The following BCL11A variants were observed in gnomAD, a reference collection of about 807,000 sequenced individuals.
BCL11A encodes the protein B cell CLL/lymphoma 11A.
BCL11A carries 2 observed loss-of-function variants against 55.9 expected under a neutral mutation model. That is an observed-to-expected ratio of 0.04 (90% CI 0.01 to 0.11). The LOEUF (loss-of-function observed/expected upper bound fraction) is 0.11, where lower values mean the gene tolerates loss of function less well. Among genes scored for constraint, BCL11A ranks in the 10% least tolerant of loss-of-function variants. The pLI is 1.00. For missense variants in BCL11A, 817 were observed against 1,137.1 expected (o/e 0.72, Z 4.05); for synonymous variants, 465 against 473.4 (o/e 0.98, Z 0.23).
At chr2:60,519,229 C>T (rs752822951) in intron 2 of BCL11A, among the ~76,000 whole-genome samples, 3 of 152,180 alleles carry the variant, frequency 2.0e-5, no homozygotes, top group Admixed American at 6.5e-5. Context: ...ACTATGCATG[C>T]TCTGTCTATG....
At chr2:60,526,917 G>C (rs1669228756) in intron 2 of BCL11A, 2 of 152,224 alleles carry the variant, frequency 1.3e-5, no homozygotes, top group Admixed American at 6.5e-5. Flanking sequence ...ATTATCACTA[G>C]TCAACAGCAT....
intron 2 of BCL11A, among the ~76,000 whole-genome samples, chr2:60,493,815 C>T (rs1256876074): frequency 6.6e-6 from 1 of 152,170 alleles, no homozygotes; most frequent in African/African-American, 2.4e-5. Flanking sequence ...AGCAAAGCTT[C>T]AGTGCAGGAA....
intron 2 of BCL11A, chr2:60,544,140 T>C (rs1670048837): frequency 6.6e-6 from 1 of 152,220 alleles, no homozygotes; most frequent in Admixed American, 6.5e-5. Context: ...GGGACCTCAG[T>C]AAGAAGTGTG....
chr2:60,522,846 T>G (rs1046254749), intron 2 of BCL11A: 5 of 152,246 alleles, frequency 3.3e-5, no homozygotes, highest in African/African-American at 1.2e-4. Context: ...ACTAGATATG[T>G]CAGTTATGTT....
chr2:60,550,921 C>A, intron 1 of BCL11A: 1 of 272,830 alleles, frequency 3.7e-6, no homozygotes, highest in Non-Finnish European at 6.8e-6. Flanking sequence ...CCGCATCCGG[C>A]GCGGCCGGGG....
chr2:60,483,057 G>A (rs1300487760), intron 2 of BCL11A, among the ~76,000 whole-genome samples: 1 of 152,194 alleles, frequency 6.6e-6, no homozygotes, highest in Non-Finnish European at 1.5e-5. Flanking sequence ...TTCAGCCCAT[G>A]ATTACTTTGC....
chr2:60,550,089 G>A (rs909512853), intron 1 of BCL11A, among the ~76,000 whole-genome samples: 4 of 152,070 alleles, frequency 2.6e-5, no homozygotes, highest in African/African-American at 7.2e-5. Flanking sequence ...TGGGGGTGAG[G>A]GGGTGGAAGA....
chr2:60,492,846 A>T (rs763864897), intron 2 of BCL11A, among the ~76,000 whole-genome samples: 2 of 152,202 alleles, frequency 1.3e-5, no homozygotes, highest in Non-Finnish European at 2.9e-5. Flanking sequence ...TTTACATACA[A>T]CAAAAGTCAT....
At chr2:60,540,000 ATAG>A (rs1273008921) in intron 2 of BCL11A, among the ~76,000 whole-genome samples, 1 of 152,264 alleles carries the variant, frequency 6.6e-6, no homozygotes, top group Non-Finnish European at 1.5e-5. Flanking sequence ...ACAAATAAAA[ATAG>A]TAGTCATTAT....
intron 2 of BCL11A, among the ~76,000 whole-genome samples, chr2:60,481,521 A>G (rs1235929985): frequency 1.3e-5 from 2 of 152,080 alleles, no homozygotes; most frequent in Admixed American, 1.3e-4. Context: ...CCCAGCCCAC[A>G]AGCTGGCAGG....
At chr2:60,462,447 C>T (rs1676372371) in intron 3 of BCL11A, 23 bp from the exon 4 acceptor site, 6 of 1,570,516 alleles carry the variant, frequency 3.8e-6, no homozygotes, top group East Asian at 2.3e-5. Context: ...ACAACACCAA[C>T]ATCAATGTTT....
chr2:60,473,243 T>G (rs1406905400), intron 2 of BCL11A, among the ~76,000 whole-genome samples: 1 of 149,470 alleles, frequency 6.7e-6, no homozygotes, highest in Non-Finnish European at 1.5e-5. Flanking sequence ...TTTCCCTGTT[T>G]TTTTTTTTTT....
intron 2 of BCL11A, among the ~76,000 whole-genome samples, chr2:60,530,256 T>C (rs1669386910): frequency 6.6e-6 from 1 of 150,932 alleles, no homozygotes; most frequent in South Asian, 2.1e-4. Flanking sequence ...TCCTTGAGCC[T>C]TCCTTGCATA....
intron 2 of BCL11A, chr2:60,542,148 G>T: frequency 2.7e-6 from 1 of 367,688 alleles, no homozygotes. Flanking sequence ...AAATGTCTAT[G>T]TTCATGATTT....
downstream of BCL11A, among the ~76,000 whole-genome samples, chr2:60,454,070 C>T (rs974217854): frequency 6.6e-6 from 1 of 151,982 alleles, no homozygotes; most frequent in African/African-American, 2.4e-5. Flanking sequence ...GAGAAACAGC[C>T]CCATTCCCCT....
At position 60,546,264 on chromosome 2, in the gene BCL11A, G is replaced by T. The variant is rs773672849; in HGVS notation, c.92C>A (p.Pro31Gln). Residue 31 changes from proline to glutamine, a missense_variant, in exon 2 of 4, where the codon CCA (proline) becomes CAA (glutamine). Transcript: ENST00000642384. The surrounding 1 kb of genome is among the most constrained non-coding windows in gnomAD (Gnocchi z 4.1). Reference sequence around the variant, plus strand: ...TGGAGCTCCCAACGGGCCGTGGTCTGGTTCATCATCTGTAAGAATGGCTTC... The same window carrying T: ...TGGAGCTCCCAACGGGCCGTGGTCTTGTTCATCATCTGTAAGAATGGCTTC... ...PLEAILTDDE[P>Q]DHGPLGAPEG... 25 of 1,614,044 alleles carry T rather than the reference G, an allele frequency of 1.5e-5. No homozygotes were observed. The highest frequency in any genetic ancestry group is 1.9e-5 in the Non-Finnish European group (23 of 1,180,014).
rs1053766495 is a variant in BCL11A at position 60,546,738 on chromosome 2, T to C, written c.56-438A>G. ...AACCAAATTTGTTTCTTTTTTCCTA[T>C]ACACCAAGTTGTCCATTGTGCCAAA... On this transcript the variant is annotated intron_variant, in intron 1 of 3. Coordinates refer to ENST00000642384, the MANE Select transcript of BCL11A (RefSeq NM_022893.4). The surrounding 1 kb of genome is among the most constrained non-coding windows in gnomAD (Gnocchi z 4.1). Among the ~76,000 whole-genome samples, 2 of 152,198 alleles carry C rather than the reference T, an allele frequency of 1.3e-5. No individual in the cohort carries two copies. The highest frequency in any genetic ancestry group is 2.4e-5 in the African/African-American group (1 of 41,458).
intron 2 of BCL11A, among the ~76,000 whole-genome samples, chr2:60,532,659 G>C (rs1169037871): frequency 2.0e-5 from 3 of 152,152 alleles, no homozygotes; most frequent in African/African-American, 7.2e-5. Context: ...TCATTATTAT[G>C]ACTTTACTTG....
At position 60,460,295 on chromosome 2, in the gene BCL11A, TG is replaced by T. The variant is rs1676179553; in HGVS notation, c.*108del. On this transcript the variant is annotated 3_prime_UTR_variant, in exon 4 of 4. Coordinates refer to ENST00000642384, the MANE Select transcript of BCL11A (RefSeq NM_022893.4). ...TGTTTGTTTGTTTGTTTAAATCACA[TG>T]GGACTAGAAAAAAATCCTACAGGGA... 6.7e-7 allele frequency: 1 copy of T among 1,487,110 alleles called. No homozygotes were observed. The highest frequency in any genetic ancestry group is 1.4e-5 in the South Asian group (1 of 69,598). 92.1% of individuals were successfully genotyped at this position (1,487,110 alleles called of 1,614,324 possible). A position where few individuals can be genotyped will look rare whatever the true frequency, so the allele number is the denominator to read the frequency against.
Sources: gnomAD v4.1 joint callset for allele counts (sites outside exome capture counted in the v4.1 genomes callset) on GRCh38, gnomAD v4.1.1 for gene constraint, Gnocchi (gnomAD v3.1) non-coding constraint, MANE v1.5 for transcripts, NCBI Gene and HGNC (gene_info 2026-07-23, HGNC 2026-07-21) for gene names.